BMPR1B: variants seen among roughly 807,000 people sequenced by gnomAD.
BMPR1B encodes the protein bone morphogenetic protein receptor type-1B.
In BMPR1B, 12 loss-of-function variants were observed where a neutral mutation model predicts 59.1. The ratio of observed to expected loss-of-function variants is 0.20; its 90% confidence interval spans 0.13 to 0.33. BMPR1B has a LOEUF of 0.33. Ranked by LOEUF, BMPR1B falls within the 10% of genes least tolerant of loss-of-function variation. BMPR1B has a pLI of 1.00. For synonymous variants in BMPR1B, 237 were observed against 207.3 expected, an observed-to-expected ratio of 1.14 and a Z score of -1.23; for missense variants, 550 against 610.9, an observed-to-expected ratio of 0.90 and a Z score of 1.05.
intron 1 of BMPR1B, among the ~76,000 whole-genome samples, chr4:94,846,306 T>C (rs1044060913): frequency 9.2e-5 from 14 of 152,170 alleles, no homozygotes; most frequent in African/African-American, 1.7e-4. Context: ...ATATATATGA[T>C]GGTTAGTTAA....
chr4:95,135,626 T>C (rs1372482185), intron 10 of BMPR1B, among the ~76,000 whole-genome samples: 1 of 152,198 alleles, frequency 6.6e-6, no homozygotes, highest in African/African-American at 2.4e-5. Context: ...TTGAAGCAAT[T>C]GTGAATGGGA....
At chr4:94,945,106 C>T (rs554309081) in intron 2 of BMPR1B, among the ~76,000 whole-genome samples, 9 of 152,264 alleles carry the variant, frequency 5.9e-5, no homozygotes, top group South Asian at 2.1e-4. Flanking sequence ...ACAGGGGCAA[C>T]GGCCATTTAG....
At chr4:94,803,496 A>G (rs1723486394) in intron 1 of BMPR1B, among the ~76,000 whole-genome samples, 1 of 152,146 alleles carries the variant, frequency 6.6e-6, no homozygotes, top group African/African-American at 2.4e-5. Flanking sequence ...ACACGTGTCT[A>G]CTTATGTTTC....
At chr4:95,129,048 TTTC>T (rs3839111) in intron 8 of BMPR1B, among the ~76,000 whole-genome samples, 69,367 of 151,662 alleles carry the variant, frequency 0.46, 17,488 homozygotes, top group Admixed American at 0.59. Flanking sequence ...TTACAGTTTA[TTTC>T]TTATGTTATA....
intron 2 of BMPR1B, among the ~76,000 whole-genome samples, chr4:94,963,533 G>A (rs1268999679): frequency 6.6e-6 from 1 of 152,056 alleles, no homozygotes; most frequent in Non-Finnish European, 1.5e-5. Flanking sequence ...GGCACAAGAT[G>A]GGATCTTGTT....
At chr4:94,910,880 C>T (rs1728246202) in intron 2 of BMPR1B, among the ~76,000 whole-genome samples, 1 of 152,250 alleles carries the variant, frequency 6.6e-6, no homozygotes, top group South Asian at 2.1e-4. Context: ...CCACTGAACT[C>T]TAGTCTGGGG....
intron 1 of BMPR1B, among the ~76,000 whole-genome samples, chr4:94,761,152 A>G (rs35337476): frequency 0.033 from 5,057 of 152,308 alleles, 225 homozygotes; most frequent in African/African-American, 0.1. Context: ...TAGAAGCTGT[A>G]AGTTTTACTC....
rs939962818 is a variant in BMPR1B at position 94,758,045 on chromosome 4, C to G, written c.-206C>G. The stretch of plus-strand genomic sequence containing the variant: ...TGCGGAGACCGCGGCGCTGAGGACG[C>G]GGGAGCCGGGAGCGCAGCCGCGGGT... On this transcript the variant is annotated 5_prime_UTR_variant, in exon 1 of 13. Coordinates refer to ENST00000515059, the MANE Select transcript of BMPR1B (RefSeq NM_001203.3). 1 of 147,420 alleles carries G rather than the reference C, an allele frequency of 6.8e-6. No homozygotes were observed. The highest frequency in any genetic ancestry group is 1.5e-5 in the Non-Finnish European group (1 of 66,082). 9.1% of individuals were successfully genotyped at this position (147,420 alleles called of 1,614,324 possible).
At chr4:95,068,597 T>G (rs1224336663) in intron 3 of BMPR1B, among the ~76,000 whole-genome samples, 1 of 152,196 alleles carries the variant, frequency 6.6e-6, no homozygotes, top group Non-Finnish European at 1.5e-5. Context: ...TAATGGCCCA[T>G]GAAAGCAGAC....
chr4:94,775,673 A>G (rs954343935), intron 1 of BMPR1B, among the ~76,000 whole-genome samples: 1 of 152,268 alleles, frequency 6.6e-6, no homozygotes, highest in Non-Finnish European at 1.5e-5. Context: ...TAGTTGCTTG[A>G]CATGATCAGT....
chr4:94,936,195 C>T (rs1180679960), intron 2 of BMPR1B, among the ~76,000 whole-genome samples: 2 of 152,048 alleles, frequency 1.3e-5, no homozygotes, highest in Non-Finnish European at 2.9e-5. Context: ...TGATAGTATA[C>T]CTCACAGAAA....
intron 1 of BMPR1B, among the ~76,000 whole-genome samples, chr4:94,791,667 G>C (rs1722992428): frequency 6.6e-6 from 1 of 151,988 alleles, no homozygotes; most frequent in Non-Finnish European, 1.5e-5. Context: ...TTTTCTTAGT[G>C]GCCGCTGGTT....
At chr4:95,080,191 G>A (rs1729018161) in intron 3 of BMPR1B, among the ~76,000 whole-genome samples, 1 of 152,094 alleles carries the variant, frequency 6.6e-6, no homozygotes, top group African/African-American at 2.4e-5. Flanking sequence ...CAGTAAAAAT[G>A]CCTTAGCTTA....
At chr4:95,057,921 A>G (rs187596415) in intron 3 of BMPR1B, among the ~76,000 whole-genome samples, 2 of 152,306 alleles carry the variant, frequency 1.3e-5, no homozygotes, top group Admixed American at 1.3e-4. Context: ...ATGATGATGT[A>G]TTTCTATAGG....
At chr4:94,819,348 G>GTGATACCAATATAAGCAGCTCA (rs1724123541) in intron 1 of BMPR1B, among the ~76,000 whole-genome samples, 1 of 152,156 alleles carries the variant, frequency 6.6e-6, no homozygotes, top group African/African-American at 2.4e-5. Flanking sequence ...TCAGAGTGCT[G>GTGATACCAATATAAGCAGCTCA]TGATACCAAT....
At chr4:95,012,654 G>A (rs1050937420) in intron 3 of BMPR1B, among the ~76,000 whole-genome samples, 1 of 152,132 alleles carries the variant, frequency 6.6e-6, no homozygotes, top group Admixed American at 6.6e-5. Flanking sequence ...TTCCAGCTGT[G>A]TAAATATACG....
chr4:94,988,418 A>G (rs1293975734), intron 2 of BMPR1B, among the ~76,000 whole-genome samples: 1 of 152,092 alleles, frequency 6.6e-6, no homozygotes, highest in African/African-American at 2.4e-5. Flanking sequence ...TAGTTGTTTT[A>G]TTATTGGTTA....
intron 3 of BMPR1B, among the ~76,000 whole-genome samples, chr4:95,029,684 C>T (rs1042096852): frequency 3.0e-4 from 46 of 152,212 alleles, no homozygotes; most frequent in East Asian, 1.7e-3. Context: ...CCTGAGGAAT[C>T]GCCACACTGA....
chr4:94,779,664 T>C (rs1331399922), intron 1 of BMPR1B, among the ~76,000 whole-genome samples: 2 of 151,904 alleles, frequency 1.3e-5, no homozygotes, highest in African/African-American at 4.8e-5. Flanking sequence ...AACCCTGTCT[T>C]TACTAAAAAT....
Sources: allele counts gnomAD v4.1 joint callset (sites outside exome capture counted in the v4.1 genomes callset), GRCh38; gene constraint gnomAD v4.1.1; transcripts MANE v1.5; gene names NCBI Gene and HGNC (gene_info 2026-07-23, HGNC 2026-07-21).